UNC79: variants seen among roughly 807,000 people sequenced by gnomAD.
UNC79 encodes protein unc-79 homolog.
A neutral mutation model predicts 283.1 loss-of-function variants in UNC79; 37 were observed. The ratio of observed to expected loss-of-function variants is 0.13; its 90% CI spans 0.10 to 0.17. The LOEUF (loss-of-function observed/expected upper bound fraction) is 0.17. Among genes scored for constraint, UNC79 ranks in the 10% least tolerant of loss-of-function variants. UNC79 has a pLI of 1.00. For missense variants in UNC79, 2,272 were observed against 3,211.1 expected (o/e 0.71, Z 7.07); for synonymous variants, 1,107 against 1,200.2 (o/e 0.92, Z 1.61).
intron 1 of UNC79, among the ~76,000 whole-genome samples, chr14:93,381,244 AT>A (rs1223718921): frequency 6.6e-6 from 1 of 152,226 alleles, no homozygotes; most frequent in Non-Finnish European, 1.5e-5. Flanking sequence ...TATAAAAGAA[AT>A]TAGAGAAGCC....
intron 4 of UNC79, among the ~76,000 whole-genome samples, chr14:93,483,651 T>A (rs2058257846): frequency 6.6e-6 from 1 of 151,924 alleles, no homozygotes; most frequent in South Asian, 2.1e-4. Flanking sequence ...TCATTTACAT[T>A]AGGTATATCA....
chr14:93,655,017 C>T (rs555751926), intron 37 of UNC79, among the ~76,000 whole-genome samples: 7 of 152,316 alleles, frequency 4.6e-5, no homozygotes, highest in African/African-American at 1.7e-4. Context: ...TTTCCTATTT[C>T]TTGCTCACTT....
chr14:93,490,160 G>C (rs2058653783), intron 5 of UNC79, among the ~76,000 whole-genome samples: 1 of 152,124 alleles, frequency 6.6e-6, no homozygotes, highest in Non-Finnish European at 1.5e-5. Flanking sequence ...CTTGCACTCT[G>C]GGTCTGTGAT....
chr14:93,416,753 T>C (rs1255704206), intron 1 of UNC79, among the ~76,000 whole-genome samples: 3 of 152,122 alleles, frequency 2.0e-5, no homozygotes, highest in East Asian at 1.9e-4. Context: ...TCTTGTTGAA[T>C]TGATCCCTTT....
At chr14:93,579,919 C>T (rs959285305) in intron 18 of UNC79, among the ~76,000 whole-genome samples, 10 of 152,186 alleles carry the variant, frequency 6.6e-5, no homozygotes, top group African/African-American at 2.4e-4. Context: ...AAAATAATTC[C>T]AATTGCTTCA....
chr14:93,680,176 T>G (rs1015613803), intron 41 of UNC79, among the ~76,000 whole-genome samples: 4 of 152,252 alleles, frequency 2.6e-5, no homozygotes, highest in African/African-American at 9.6e-5. Context: ...GGATCCAACC[T>G]CAGATCTTGA....
intron 1 of UNC79, among the ~76,000 whole-genome samples, chr14:93,365,024 G>A (rs2054300233): frequency 6.6e-6 from 1 of 152,010 alleles, no homozygotes. Flanking sequence ...CTTGAGACCA[G>A]GAGTTTGAGA....
rs573376218 is a variant in UNC79, at chr14:93,470,891, C to T, written c.143+3100C>T. On this transcript the variant is annotated intron_variant, in intron 2 of 48. Coordinates refer to ENST00000555664, the Ensembl canonical transcript of UNC79. The stretch of plus-strand genomic sequence containing the variant: ...CATCCTGTGGCCATATTTTCAACAG[C>T]GAAGGTCTTTAAGAATCTTGCTTTT... 1.1e-4 allele frequency among the ~76,000 whole-genome samples: 17 copies of T among 152,250 alleles called. 1 individual carries two copies. In the South Asian group the frequency reaches 3.3e-3, roughly 30 times the overall value.
At chr14:93,357,876 T>TATATATATGGATATATGGAG (rs1566890171) in intron 1 of UNC79, among the ~76,000 whole-genome samples, 10 of 44,520 alleles carry the variant, frequency 2.2e-4, no homozygotes, top group East Asian at 1.4e-3. Flanking sequence ...GATATATGGA[T>TATATATATGGATATATGGAG]ATATATATGG....
At chr14:93,568,141 G>A (rs1183304991) in intron 14 of UNC79, among the ~76,000 whole-genome samples, 1 of 152,110 alleles carries the variant, frequency 6.6e-6, no homozygotes, top group Non-Finnish European at 1.5e-5. Context: ...AGTAATTTTG[G>A]TGCCCAAGGT....
In UNC79 at chr14:93,690,349, A is replaced by G. The variant is rs562910127; in HGVS notation, c.7272+46A>G. 1.3e-6 allele frequency: 2 copies of G among 1,569,350 alleles called. No individual in the cohort carries two copies. The highest frequency in any genetic ancestry group is 1.2e-5 in the South Asian group (1 of 84,508). ...TAAGACCGTATGCATCGCAATTGCT[A>G]ATGGAAACCTTATCAGCCAATTATG... On this transcript the variant is annotated intron_variant, in intron 45 of 48. Coordinates refer to ENST00000555664, the Ensembl canonical transcript of UNC79. This position sits in a 1 kb window ranked among gnomAD's most constrained non-coding sequence, Gnocchi z 4.3.
At chr14:93,488,858 G>A (rs1384634687) in intron 5 of UNC79, among the ~76,000 whole-genome samples, 3 of 152,116 alleles carry the variant, frequency 2.0e-5, no homozygotes, top group African/African-American at 7.2e-5. Flanking sequence ...TCATACATAA[G>A]GGCTCTGCCC....
intron 2 of UNC79, among the ~76,000 whole-genome samples, chr14:93,470,284 T>G (rs1423723761): frequency 6.6e-6 from 1 of 152,222 alleles, no homozygotes; most frequent in Non-Finnish European, 1.5e-5. Context: ...ACAACTCTCA[T>G]GATTTTAGTA....
At chr14:93,631,706 TGAA>T (rs1372433977) in intron 31 of UNC79, among the ~76,000 whole-genome samples, 1 of 152,252 alleles carries the variant, frequency 6.6e-6, no homozygotes, top group Non-Finnish European at 1.5e-5. Flanking sequence ...TTGATGATCC[TGAA>T]AAAACAGATA....
At chr14:93,356,940 C>T (rs1349288379) in intron 1 of UNC79, among the ~76,000 whole-genome samples, 1 of 152,028 alleles carries the variant, frequency 6.6e-6, no homozygotes, top group Non-Finnish European at 1.5e-5. Context: ...TTTGGGTATA[C>T]AGATTATTTT....
chr14:93,386,924 C>T (rs1357433898), intron 1 of UNC79, among the ~76,000 whole-genome samples: 2 of 66,250 alleles, frequency 3.0e-5, no homozygotes, highest in Non-Finnish European at 3.0e-5. Context: ...TCATGTATTT[C>T]TGCTTTTTTT....
chr14:93,491,379 T>C (rs1023263050), intron 5 of UNC79, among the ~76,000 whole-genome samples: 1 of 152,092 alleles, frequency 6.6e-6, no homozygotes, highest in African/African-American at 2.4e-5. Flanking sequence ...ATATTTATTA[T>C]ATATTATGTC....
intron 1 of UNC79, among the ~76,000 whole-genome samples, chr14:93,343,748 A>G (rs2053763637): frequency 6.6e-6 from 1 of 152,178 alleles, no homozygotes. Context: ...TATAAAAGGT[A>G]AGTGGGCGAG....
intron 1 of UNC79, among the ~76,000 whole-genome samples, chr14:93,437,119 A>G (rs563297505): frequency 2.0e-5 from 3 of 152,254 alleles, no homozygotes; most frequent in Admixed American, 1.3e-4. Flanking sequence ...ATTTATGTAT[A>G]TGTTATTTTA....
Sources: gnomAD v4.1 joint callset for allele counts (sites outside exome capture counted in the v4.1 genomes callset) on GRCh38, gnomAD v4.1.1 for gene constraint, Gnocchi (gnomAD v3.1) non-coding constraint, MANE v1.5 for transcripts, NCBI Gene and HGNC (gene_info 2026-07-23, HGNC 2026-07-21) for gene names.